HSPH1: variants seen among roughly 807,000 people sequenced by gnomAD.
HSPH1 encodes heat shock protein family H (Hsp110) member 1, also known as heat shock protein 105 kDa.
A neutral mutation model predicts 100.0 loss-of-function variants in HSPH1; 40 were observed. The ratio of observed to expected loss-of-function variants is 0.40; its 90% CI spans 0.31 to 0.52. HSPH1 has a LOEUF of 0.52. Ranked by LOEUF, HSPH1 falls within the 20% of genes least tolerant of loss-of-function variation. The probability of loss-of-function intolerance (pLI) is 0.54; values close to 1 mark genes in which losing one functional copy is unlikely to be tolerated. For missense variants in HSPH1, 876 were observed against 1,015.1 expected (o/e 0.86, Z 1.86); for synonymous variants, 403 against 344.0 (o/e 1.17, Z -1.90).
chr13:31,157,219 C>A (rs1418239963), intron 2 of HSPH1, among the ~76,000 whole-genome samples: 1 of 152,156 alleles, frequency 6.6e-6, no homozygotes, highest in East Asian at 1.9e-4. Context: ...TCAACAGATT[C>A]TTCTCAAGTA....
At chr13:31,146,793 G>GT (rs1243916035) in intron 10 of HSPH1, among the ~76,000 whole-genome samples, 6 of 152,288 alleles carry the variant, frequency 3.9e-5, no homozygotes, top group Non-Finnish European at 1.5e-5. Flanking sequence ...AGTGCTAGGT[G>GT]TAAGTTATAG....
In HSPH1 at chr13:31,136,125, A is replaced by G. The variant is rs1001270639; in HGVS notation, c.*1193T>C. 1.1e-4 allele frequency: 17 copies of G among 152,250 alleles called. No individual in the cohort carries two copies. Among genetic ancestry groups the G allele is most frequent in the African/African-American group, 3.4e-4 (14 of 41,456 alleles). 9.4% of individuals were successfully genotyped at this position (152,250 alleles called of 1,614,324 possible). On this transcript the variant is annotated 3_prime_UTR_variant, in exon 18 of 18. Coordinates refer to ENST00000320027, the MANE Select transcript of HSPH1 (RefSeq NM_006644.4). ...ACACTACTTCAATTTTGTGCTTACA[A>G]AACAACCAGATAGATTCATTGCAGC...
intron 6 of HSPH1, 88 bp downstream of exon 6, chr13:31,151,518 CAAG>C: frequency 2.5e-6 from 3 of 1,216,782 alleles, no homozygotes; most frequent in Non-Finnish European, 3.4e-6. Flanking sequence ...TCTTCATTAC[CAAG>C]AAGAAAAAGC....
intron 2 of HSPH1, 84 bp downstream of exon 2, chr13:31,158,722 T>G (rs1454317421): frequency 2.3e-6 from 2 of 854,924 alleles, no homozygotes; most frequent in Admixed American, 1.9e-5. Context: ...TTAGGCACAC[T>G]TTACCCTCTT....
chr13:31,135,832 A>G lies in HSPH1; in HGVS notation c.*1486T>C, dbSNP rs1157742507. ...ATAGTACTTATAATAAATTGGCTAT[A>G]GTTCTAAGATTAATCCCTTGTGGAA... On this transcript the variant is annotated 3_prime_UTR_variant, in exon 18 of 18. Transcript: ENST00000320027. 6.6e-6 allele frequency: 1 copy of G among 152,220 alleles called. No individual in the cohort carries two copies. Among genetic ancestry groups the G allele is most frequent in the Non-Finnish European group, 1.5e-5 (1 of 68,038 alleles). 9.4% of individuals were successfully genotyped at this position (152,220 alleles called of 1,614,324 possible). A position where few individuals can be genotyped will look rare whatever the true frequency, so the allele number is the denominator to read the frequency against.
chr13:31,162,190 C>T, upstream of HSPH1: 1 of 1,104,718 alleles, frequency 9.1e-7, no homozygotes, highest in Non-Finnish European at 1.3e-6. Flanking sequence ...ATAAAACAGG[C>T]AACGAAGAAT....
In HSPH1 at chr13:31,161,458, T is replaced by G. The variant is rs1338288963; in HGVS notation, c.107+18A>C. The G allele has an allele frequency of 6.2e-7, 1 of 1,613,554 alleles. No homozygotes were observed. The highest frequency in any genetic ancestry group is 8.5e-7 in the Non-Finnish European group (1 of 1,179,796). ...GCCCAGAACCTCCTCCCATCCACCC[T>G]CGCAGACTCCCACTTACGGGGTGCA... On this transcript the variant is annotated intron_variant, in intron 1 of 17. Coordinates refer to ENST00000320027, the MANE Select transcript of HSPH1 (RefSeq NM_006644.4).
chr13:31,144,814 A>G (rs991353520), intron 11 of HSPH1, among the ~76,000 whole-genome samples: 1 of 152,244 alleles, frequency 6.6e-6, no homozygotes, highest in Non-Finnish European at 1.5e-5. Flanking sequence ...ATTACTGTAC[A>G]TTAGAATTTT....
chr13:31,141,308 G>GA, intron 12 of HSPH1, 49 bp from the exon 13 acceptor site: 1 of 1,487,142 alleles, frequency 6.7e-7, no homozygotes, highest in Non-Finnish European at 9.1e-7. Flanking sequence ...AACCCACTTG[G>GA]AAAAACACAA....
At chr13:31,142,869 A>T (rs1347478531) in intron 12 of HSPH1, among the ~76,000 whole-genome samples, 5 of 152,096 alleles carry the variant, frequency 3.3e-5, no homozygotes, top group African/African-American at 1.2e-4. Flanking sequence ...TTTTCCAAAT[A>T]ACCACCATCA....
At chr13:31,143,255 A>T (rs985257914) in intron 12 of HSPH1, among the ~76,000 whole-genome samples, 2 of 152,136 alleles carry the variant, frequency 1.3e-5, no homozygotes, top group African/African-American at 4.8e-5. Flanking sequence ...AAGGCACACA[A>T]CATCACTATT....
rs1565994232 is a variant in HSPH1 at position 31,138,992 on chromosome 13, C to CG, written c.2088+7dup. ...AAGTACCACCTTTTGGGGGAGAAAA[C>CG]GACCTACCATTAATTCTTCCAACTT... is the stretch of plus-strand genomic sequence containing the variant. On this transcript the variant is annotated splice_region_variant and intron_variant, in intron 15 of 17. Transcript: ENST00000320027. 1 of 1,602,940 alleles carries CG rather than the reference C, an allele frequency of 6.2e-7. No homozygotes were observed. Among genetic ancestry groups the CG allele is most frequent in the African/African-American group, 1.3e-5 (1 of 74,778 alleles).
In HSPH1 at chr13:31,151,005, G is replaced by C. The variant is rs776655413; in HGVS notation, c.850C>G (p.Leu284Val). ...KKLMSSNSTD[L>V]PLNIECFMND... ...ATAAAGCATTCGATATTCAGTGGAA[G>C]GTCTGTGCTGTTAGAGCTCATTAGC... The change falls in exon 7 of 18, where the codon CTT (leucine) becomes GTT (valine). Residue 284 changes from leucine to valine, a missense_variant. By Grantham distance (32) the Leu-to-Val change is conservative. Transcript: ENST00000320027. 6.2e-7 allele frequency: 1 copy of C among 1,613,288 alleles called. No homozygotes were observed. The highest frequency in any genetic ancestry group is 8.5e-7 in the Non-Finnish European group (1 of 1,179,514).
At position 31,145,522 on chromosome 13, in the gene HSPH1, G is replaced by A. The variant is rs376182285; in HGVS notation, c.1584+41C>T. On this transcript the variant is annotated intron_variant, in intron 11 of 17. Coordinates refer to ENST00000320027, the MANE Select transcript of HSPH1 (RefSeq NM_006644.4). ...CAATTCTCCTATAGCTTAGAACTAA[G>A]TCAACTCTATTCAAACACAAAGGTT... The A allele has an allele frequency of 2.0e-6, 3 of 1,504,296 alleles. 1 individual carries two copies. In the South Asian group the frequency reaches 3.4e-5, roughly 17 times the overall value. 93.2% of individuals were successfully genotyped at this position (1,504,296 alleles called of 1,614,324 possible).
Position 31,155,644 on chromosome 13 carries a change from T to A in HSPH1, c.176A>T (p.His59Leu). The A allele has an allele frequency of 1.3e-6, 2 of 1,594,442 alleles. No homozygotes were observed. Among genetic ancestry groups the A allele is most frequent in the African/African-American group, 1.3e-5 (1 of 74,160 alleles). Residue 59 changes from histidine to leucine, a missense_variant, in exon 3 of 18, where the codon CAT becomes CTT. Physicochemically the swap from His to Leu is moderately conservative, Grantham distance 99 (BLOSUM62 -3). Coordinates refer to ENST00000320027, the MANE Select transcript of HSPH1 (RefSeq NM_006644.4). ...GAAGTTAGACACCGTATTGTTTGCA[T>A]GAGTGATTTGCTGCAAAAAGAAGTT... ...GVAAKNQQITHANNTVSNFKR... is the reference protein window; with the variant it reads ...GVAAKNQQITLANNTVSNFKR...
intron 5 of HSPH1, 61 bp downstream of exon 5, chr13:31,152,791 C>T: frequency 9.0e-7 from 1 of 1,113,186 alleles, no homozygotes; most frequent in Non-Finnish European, 1.4e-6. Flanking sequence ...AAAGTAATAG[C>T]ACTGAGAACA....
At position 31,158,532 on chromosome 13, in the gene HSPH1, G is replaced by T. The variant is rs138107349; in HGVS notation, c.165+274C>A. Among the ~76,000 whole-genome samples, 710 of 115,338 alleles carry T rather than the reference G, an allele frequency of 6.2e-3. 5 individuals are homozygous for T. Among genetic ancestry groups the T allele is most frequent in the African/African-American group, 0.022 (651 of 29,564 alleles). The allele number at this position is 115,338 out of a possible 152,430, so 75.7% of individuals were successfully genotyped here. On this transcript the variant is annotated intron_variant, in intron 2 of 17. Coordinates refer to ENST00000320027, the MANE Select transcript of HSPH1 (RefSeq NM_006644.4). ...CCACTGCACTCTAGCCTGGGTAACA[G>T]AGCGAGACTCTATCTCAAAAAAAAA...
rs751586173 is a variant in HSPH1, at chr13:31,161,466, TC to T, written c.107+9del. ...CCTCCTCCCATCCACCCTCGCAGACTCCCACTTACGGGGTGCACCGGTCGCT... is the reference window on the plus strand; with the variant it reads ...CCTCCTCCCATCCACCCTCGCAGACTCCACTTACGGGGTGCACCGGTCGCT... On this transcript the variant is annotated intron_variant, in intron 1 of 17. Coordinates refer to ENST00000320027, the MANE Select transcript of HSPH1 (RefSeq NM_006644.4). 8.1e-6 allele frequency: 13 copies of T among 1,613,760 alleles called. No individual in the cohort carries two copies. In the South Asian group the frequency reaches 1.4e-4, roughly 18 times the overall value.
intron 10 of HSPH1, 150 bp from the exon 11 acceptor site, chr13:31,145,918 C>T (rs556431566): frequency 3.2e-6 from 2 of 631,800 alleles, no homozygotes; most frequent in East Asian, 5.5e-5. Flanking sequence ...GAGTTTGAGA[C>T]CAGCCTGGGC....
Sources: gnomAD v4.1 joint callset for allele counts (sites outside exome capture counted in the v4.1 genomes callset) on GRCh38, gnomAD v4.1.1 for gene constraint, MANE v1.5 for transcripts, NCBI Gene and HGNC (gene_info 2026-07-23, HGNC 2026-07-21) for gene names.